Variants in DENND1A observed in about 807,000 individuals in gnomAD.
DENND1A encodes the protein DENN domain containing 1A.
A neutral mutation model predicts 113.7 loss-of-function variants in DENND1A; 51 were observed. That is an observed-to-expected ratio of 0.45 (90% CI 0.36 to 0.57). The LOEUF is 0.57. Ranked by LOEUF, DENND1A falls within the 20% of genes least tolerant of loss-of-function variation. The pLI, the probability that DENND1A is intolerant of heterozygous loss-of-function variation, is 0.00. For synonymous variants in DENND1A, 565 were observed against 570.8 expected (o/e 0.99, Z 0.14); for missense variants, 1,258 against 1,395.9 (o/e 0.90, Z 1.57).
At chr9:123,402,056 A>G in intron 21 of DENND1A, 1 of 1,145,582 alleles carries the variant, frequency 8.7e-7, no homozygotes, top group East Asian at 2.5e-5. Context: ...CCCCTTAAGG[A>G]GGAATCTTTA....
chr9:123,495,343 G>C (rs1039263995), intron 13 of DENND1A, among the ~76,000 whole-genome samples: 1 of 152,148 alleles, frequency 6.6e-6, no homozygotes, highest in Admixed American at 6.5e-5. Flanking sequence ...ATAGCTCTGA[G>C]AGGATGAGCT....
intron 2 of DENND1A, chr9:123,843,251 T>C (rs1014467740): frequency 1.0e-5 from 5 of 491,786 alleles, no homozygotes; most frequent in African/African-American, 6.0e-5. Flanking sequence ...AAAAAGTTCA[T>C]TATCACACAA....
intron 1 of DENND1A, among the ~76,000 whole-genome samples, chr9:123,913,313 G>C (rs1443174446): frequency 6.6e-6 from 1 of 151,916 alleles, no homozygotes; most frequent in African/African-American, 2.4e-5. Context: ...ACCTGAATAT[G>C]TACTCCAGCG....
At chr9:123,579,819 G>T (rs964244458) in intron 12 of DENND1A, among the ~76,000 whole-genome samples, 1 of 152,130 alleles carries the variant, frequency 6.6e-6, no homozygotes, top group Non-Finnish European at 1.5e-5. Context: ...CAGAATCAAA[G>T]CTGTGAATTC....
At chr9:123,423,127 T>C (rs1224936107) in intron 19 of DENND1A, among the ~76,000 whole-genome samples, 6 of 152,170 alleles carry the variant, frequency 3.9e-5, no homozygotes, top group African/African-American at 1.2e-4. Context: ...AAGCTCCAGA[T>C]GCTAGAGCCG....
At chr9:123,586,359 C>T (rs1011065825) in intron 11 of DENND1A, among the ~76,000 whole-genome samples, 2 of 152,170 alleles carry the variant, frequency 1.3e-5, no homozygotes, top group African/African-American at 4.8e-5. Context: ...CACGGCTGGG[C>T]TGGAATAGGC....
intron 5 of DENND1A, among the ~76,000 whole-genome samples, chr9:123,685,701 T>G (rs1384044681): frequency 6.6e-6 from 1 of 152,146 alleles, no homozygotes; most frequent in South Asian, 2.1e-4. Flanking sequence ...CGGTGAAGTG[T>G]TGGTAACATG....
chr9:123,731,207 TAACA>T (rs2068144331), intron 5 of DENND1A, among the ~76,000 whole-genome samples: 2 of 152,290 alleles, frequency 1.3e-5, no homozygotes, highest in South Asian at 4.2e-4. Context: ...TATACCTATG[TAACA>T]AACCTGCACG....
At chr9:123,508,389 C>T (rs143468720) in intron 13 of DENND1A, among the ~76,000 whole-genome samples, 38 of 152,292 alleles carry the variant, frequency 2.5e-4, no homozygotes, top group African/African-American at 7.7e-4. Context: ...TAAGACGACA[C>T]CCATGAAGAT....
intron 19 of DENND1A, among the ~76,000 whole-genome samples, chr9:123,434,119 C>T (rs141868679): frequency 0.025 from 3,806 of 152,298 alleles, 159 homozygotes; most frequent in African/African-American, 0.084. Flanking sequence ...CTCTGCCTCC[C>T]GGGTTCAAGC....
rs199613371 is a variant in DENND1A, at chr9:123,564,980, C to CTTTTTTTTT, written c.868-7294_868-7286dup. 4.0e-4 allele frequency among the ~76,000 whole-genome samples: 30 copies of CTTTTTTTTT among 75,718 alleles called. 2 individuals are homozygous for CTTTTTTTTT. Among genetic ancestry groups the CTTTTTTTTT allele is most frequent in the East Asian group, 2.1e-3 (6 of 2,812 alleles). 49.7% of individuals were successfully genotyped at this position (75,718 alleles called of 152,430 possible). On this transcript the variant is annotated intron_variant, in intron 12 of 23. Coordinates refer to ENST00000394215, the MANE Select transcript of DENND1A (RefSeq NM_001352964.2). ...AGAATCCAATTAATGTCTGTCCCTT[C>CTTTTTTTTT]TTTTTTTTTTTTTTTTTTTTTTTTT...
chr9:123,609,178 C>T (rs1312914544), intron 11 of DENND1A, among the ~76,000 whole-genome samples: 1 of 152,216 alleles, frequency 6.6e-6, no homozygotes, highest in Non-Finnish European at 1.5e-5. Context: ...CCTTAAAGAA[C>T]CCTTTCCTCC....
chr9:123,742,260 TA>T (rs2069095598), intron 5 of DENND1A, among the ~76,000 whole-genome samples: 1 of 151,564 alleles, frequency 6.6e-6, no homozygotes, highest in Admixed American at 6.6e-5. Context: ...AGGCTATGCT[TA>T]GATTGGAGCT....
intron 13 of DENND1A, among the ~76,000 whole-genome samples, chr9:123,535,453 C>T (rs1275395320): frequency 6.6e-6 from 1 of 151,842 alleles, no homozygotes; most frequent in East Asian, 1.9e-4. Flanking sequence ...TCTAAAAAAG[C>T]CCCCAACGAT....
intron 3 of DENND1A, among the ~76,000 whole-genome samples, chr9:123,790,405 G>A (rs959981227): frequency 2.6e-5 from 4 of 151,614 alleles, no homozygotes; most frequent in Non-Finnish European, 5.9e-5. Context: ...AAAGGAAATC[G>A]TATGTGTCAA....
chr9:123,884,992 C>CGT (rs1007851369), intron 1 of DENND1A, among the ~76,000 whole-genome samples: 184 of 127,080 alleles, frequency 1.4e-3, no homozygotes, highest in African/African-American at 6.4e-3. Flanking sequence ...CCTGCGAGCG[C>CGT]GCGCGCACAC....
At chr9:123,578,159 A>G (rs770384988) in intron 12 of DENND1A, among the ~76,000 whole-genome samples, 14 of 152,274 alleles carry the variant, frequency 9.2e-5, no homozygotes, top group Non-Finnish European at 2.9e-5. Context: ...AATGTAAACC[A>G]TCTCCCCTTC....
chr9:123,662,258 CCAGT>C (rs1701539917), intron 8 of DENND1A, among the ~76,000 whole-genome samples: 1 of 152,086 alleles, frequency 6.6e-6, no homozygotes, highest in Admixed American at 6.5e-5. Context: ...AGTTCTATAC[CCAGT>C]CAAACTATCA....
rs993192294 is a variant in DENND1A, at chr9:123,703,005, A to G, written c.303-26216T>C. Among the ~76,000 whole-genome samples, 3 of 152,328 alleles carry G rather than the reference A, an allele frequency of 2.0e-5. No homozygotes were observed. The South Asian group carries it at 6.2e-4, about 32-fold the overall frequency. Reference sequence around the variant, plus strand: ...CAATGATTTTCTTTTCTTTTGATACAGAGTCTTTCCCTGTAGCCCAGGCTG... The same window carrying G: ...CAATGATTTTCTTTTCTTTTGATACGGAGTCTTTCCCTGTAGCCCAGGCTG... On this transcript the variant is annotated intron_variant, in intron 5 of 23. Transcript: ENST00000394215.
Sources: gnomAD v4.1 joint callset for allele counts (sites outside exome capture counted in the v4.1 genomes callset) on GRCh38, gnomAD v4.1.1 for gene constraint, MANE v1.5 for transcripts, NCBI Gene and HGNC (gene_info 2026-07-23, HGNC 2026-07-21) for gene names.